Variants in UBE2E2 observed in about 807,000 individuals in gnomAD.
UBE2E2 encodes the protein ubiquitin-conjugating enzyme E2 E2.
A neutral mutation model predicts 24.7 loss-of-function variants in UBE2E2; 6 were observed. The observed-to-expected ratio is 0.24, with a 90% confidence interval of 0.13 to 0.48. The LOEUF is 0.48. UBE2E2 is among the 20% of genes least tolerant of loss of function. The probability of loss-of-function intolerance (pLI) is 0.99; values close to 1 mark genes in which losing one functional copy is unlikely to be tolerated. For missense variants in UBE2E2, 169 were observed against 245.0 expected, an observed-to-expected ratio of 0.69 and a Z score of 2.07; for synonymous variants, 104 against 83.6, an observed-to-expected ratio of 1.24 and a Z score of -1.33.
At chr3:23,259,306 G>A (rs528176435) in intron 3 of UBE2E2, among the ~76,000 whole-genome samples, 2 of 152,240 alleles carry the variant, frequency 1.3e-5, no homozygotes, top group East Asian at 1.9e-4. Context: ...AGCTGTGCTC[G>A]CTAAGTCTTA....
At chr3:23,385,011 A>C (rs1026466467) in intron 3 of UBE2E2, among the ~76,000 whole-genome samples, 1 of 151,332 alleles carries the variant, frequency 6.6e-6, no homozygotes, top group Non-Finnish European at 1.5e-5. Flanking sequence ...GCTCACTGCA[A>C]CCTCCATCCC....
chr3:23,442,843 G>A (rs1698336909), intron 3 of UBE2E2, among the ~76,000 whole-genome samples: 1 of 152,080 alleles, frequency 6.6e-6, no homozygotes. Context: ...TCCCCTCAGA[G>A]GAATGTGGTT....
intron 3 of UBE2E2, among the ~76,000 whole-genome samples, chr3:23,226,532 G>A (rs528991844): frequency 1.3e-5 from 2 of 152,140 alleles, no homozygotes; most frequent in African/African-American, 2.4e-5. Context: ...GAGCCACTGC[G>A]CCCGGCCAGG....
chr3:23,213,943 C>T (rs1696397660), intron 2 of UBE2E2, among the ~76,000 whole-genome samples: 1 of 152,042 alleles, frequency 6.6e-6, no homozygotes, highest in Middle Eastern at 3.2e-3. Flanking sequence ...CTTTCTTATC[C>T]CACTTGTCAA....
At chr3:23,310,300 C>CT (rs34141165) in intron 3 of UBE2E2, among the ~76,000 whole-genome samples, 2,079 of 144,014 alleles carry the variant, frequency 0.014, 52 homozygotes, top group African/African-American at 0.04. Context: ...AAAGGCATGC[C>CT]TTTTTTTTTT....
At chr3:23,555,383 G>C (rs1695753012) in intron 5 of UBE2E2, among the ~76,000 whole-genome samples, 2 of 152,252 alleles carry the variant, frequency 1.3e-5, no homozygotes, top group South Asian at 4.2e-4. Flanking sequence ...TTAAGTGTTG[G>C]CAAAGGTGTG....
chr3:23,510,944 A>C (rs1037466999), intron 4 of UBE2E2, among the ~76,000 whole-genome samples: 1 of 152,222 alleles, frequency 6.6e-6, no homozygotes, highest in African/African-American at 2.4e-5. Flanking sequence ...ATTAAGGCTC[A>C]GCTGTGAAGA....
At chr3:23,296,753 G>C (rs1698921119) in intron 3 of UBE2E2, among the ~76,000 whole-genome samples, 1 of 152,172 alleles carries the variant, frequency 6.6e-6, no homozygotes, top group Non-Finnish European at 1.5e-5. Flanking sequence ...ATTGTGAATA[G>C]TGCCGCAATA....
intron 3 of UBE2E2, among the ~76,000 whole-genome samples, chr3:23,273,238 A>G (rs1209814836): frequency 6.6e-6 from 1 of 152,208 alleles, no homozygotes; most frequent in African/African-American, 2.4e-5. Flanking sequence ...TTGAAACTGC[A>G]ACTTTAAGAG....
intron 3 of UBE2E2, among the ~76,000 whole-genome samples, chr3:23,283,402 C>A (rs188752113): frequency 2.6e-5 from 4 of 152,050 alleles, no homozygotes; most frequent in Admixed American, 6.6e-5. Context: ...AAAACAAATG[C>A]CATATCATAC....
chr3:23,214,485 A>T (rs976795914), intron 2 of UBE2E2, among the ~76,000 whole-genome samples: 1 of 151,874 alleles, frequency 6.6e-6, no homozygotes, highest in African/African-American at 2.4e-5. Flanking sequence ...TTCTGGCCTC[A>T]AGTGATCCTC....
At chr3:23,514,007 G>A (rs966827818) in intron 4 of UBE2E2, among the ~76,000 whole-genome samples, 1 of 152,176 alleles carries the variant, frequency 6.6e-6, no homozygotes, top group Non-Finnish European at 1.5e-5. Context: ...AAACTCTTCA[G>A]TGGCTTCCCA....
intron 4 of UBE2E2, among the ~76,000 whole-genome samples, chr3:23,528,426 A>G (rs1397771942): frequency 6.6e-6 from 1 of 152,206 alleles, no homozygotes; most frequent in Non-Finnish European, 1.5e-5. Flanking sequence ...CTCTGAAAAG[A>G]TGAGGCAGGG....
chr3:23,476,056 TCTC>T (rs1699127493), intron 3 of UBE2E2, among the ~76,000 whole-genome samples: 1 of 152,066 alleles, frequency 6.6e-6, no homozygotes, highest in Non-Finnish European at 1.5e-5. Flanking sequence ...TTTCAAAACC[TCTC>T]CTCTTCCTTC....
intron 3 of UBE2E2, among the ~76,000 whole-genome samples, chr3:23,360,085 T>C (rs368464615): frequency 3.9e-5 from 6 of 152,144 alleles, no homozygotes; most frequent in Admixed American, 3.9e-4. Context: ...AGATCAGAAA[T>C]AGTATCCCCA....
chr3:23,568,736 TATATATATATATATGTATAAC>T (rs1696149912), intron 5 of UBE2E2, among the ~76,000 whole-genome samples: 237 of 83,226 alleles, frequency 2.8e-3, no homozygotes, highest in African/African-American at 0.011. Flanking sequence ...TATGTATACA[TATATATATATATATGTATAAC>T]ACTTTATAAA....
intron 5 of UBE2E2, among the ~76,000 whole-genome samples, chr3:23,588,426 CT>C (rs112332300): frequency 1.6e-5 from 2 of 124,008 alleles, no homozygotes; most frequent in Non-Finnish European, 3.5e-5. Flanking sequence ...TTTTTTTTGT[CT>C]TTTTTTTTAA....
chr3:23,381,035 A>G (rs189389699), intron 3 of UBE2E2, among the ~76,000 whole-genome samples: 7 of 152,194 alleles, frequency 4.6e-5, no homozygotes, highest in Admixed American at 4.6e-4. Flanking sequence ...AGTGTTGTTA[A>G]TGAATAGAAT....
At chr3:23,349,386 A>T (rs969015244) in intron 3 of UBE2E2, among the ~76,000 whole-genome samples, 3 of 152,164 alleles carry the variant, frequency 2.0e-5, no homozygotes, top group Non-Finnish European at 2.9e-5. Flanking sequence ...TGGGCACAGG[A>T]CAGTGGGTGC....
Sources: allele counts gnomAD v4.1 joint callset (sites outside exome capture counted in the v4.1 genomes callset), GRCh38; gene constraint gnomAD v4.1.1; transcripts MANE v1.5; gene names NCBI Gene and HGNC (gene_info 2026-07-23, HGNC 2026-07-21).